TTLL3: variants seen among roughly 807,000 people sequenced by gnomAD.
TTLL3 encodes tubulin monoglycylase TTLL3.
Under a neutral mutation model 75.2 loss-of-function variants are expected in TTLL3, and 63 were observed. The ratio of observed to expected loss-of-function variants is 0.84; its 90% CI spans 0.68 to 1.03. The LOEUF is 1.03. Among genes scored for constraint, TTLL3 ranks in the 50% least tolerant of loss-of-function variants. The pLI, the probability that TTLL3 is intolerant of heterozygous loss-of-function variation, is 0.00. For synonymous variants in TTLL3, 393 were observed against 418.5 expected, an observed-to-expected ratio of 0.94 and a Z score of 0.74; for missense variants, 997 against 1,069.9, an observed-to-expected ratio of 0.93 and a Z score of 0.95.
intron 2 of TTLL3, 78 bp from the exon 3 acceptor site, chr3:9,812,861 ACTGT>A: frequency 7.2e-7 from 1 of 1,397,428 alleles, no homozygotes; most frequent in Non-Finnish European, 9.4e-7. Context: ...AGAGTCCATA[ACTGT>A]CTGGTTCACC....
At chr3:9,828,722 CT>C in intron 10 of TTLL3, 1 of 578,540 alleles carries the variant, frequency 1.7e-6, no homozygotes, top group Non-Finnish European at 3.1e-6. Flanking sequence ...GCACTTACTA[CT>C]GCGGCCCCCG....
chr3:9,815,342 C>A (rs1241946987), intron 4 of TTLL3, among the ~76,000 whole-genome samples: 2 of 152,126 alleles, frequency 1.3e-5, no homozygotes, highest in African/African-American at 4.8e-5. Flanking sequence ...ACTTGCCTTC[C>A]TGTGCCTCAG....
At position 9,827,059 on chromosome 3, in the gene TTLL3, A is replaced by G. The variant is rs1466216182; in HGVS notation, c.1066A>G (p.Met356Val). 6.2e-7 allele frequency: 1 copy of G among 1,614,196 alleles called. No homozygotes were observed. Among genetic ancestry groups the G allele is most frequent in the Admixed American group, 1.7e-5 (1 of 60,024 alleles). The change falls in exon 10 of 14, where the codon ATG (methionine) becomes GTG (valine). Residue 356 changes from methionine (M) to valine (V), a missense_variant. Physicochemically the swap from Met to Val is conservative, Grantham distance 21. Coordinates refer to ENST00000685419, the MANE Select transcript of TTLL3 (RefSeq NM_001387446.1). ...GCTGGTGAACGGCAACCCCGTGGTG[A>G]TGAAGGACGGCAAGTGGGTGGTGCA... is the stretch of plus-strand genomic sequence containing the variant. ...LKLVNGNPVVMKDGKWVVQKY... is the reference protein window; with the variant it reads ...LKLVNGNPVVVKDGKWVVQKY...
intron 5 of TTLL3, 117 bp from the exon 6 acceptor site, chr3:9,817,528 C>A: frequency 6.3e-7 from 1 of 1,575,204 alleles, no homozygotes; most frequent in South Asian, 1.2e-5. Flanking sequence ...GCAACTCAGA[C>A]CTTGCAAGCG....
chr3:9,812,586 C>G (rs905638351), intron 2 of TTLL3, among the ~76,000 whole-genome samples: 1 of 151,996 alleles, frequency 6.6e-6, no homozygotes, highest in South Asian at 2.1e-4. Flanking sequence ...GCAAGAGAAT[C>G]GCTTGAACCC....
Position 9,833,167 on chromosome 3 carries a change from A to G in TTLL3, c.1747A>G (p.Lys583Glu). 1 of 1,614,156 alleles carries G rather than the reference A, an allele frequency of 6.2e-7. No individual in the cohort carries two copies. Among genetic ancestry groups the G allele is most frequent in the South Asian group, 1.1e-5 (1 of 91,086 alleles). ...CCTGGTAGAGGGCTTCACCATCAAG[A>G]AGCCCATGGCGATGTGTCATCGGCG... ...RLLVEGFTIK[K>E]PMAMCHRRMG... Residue 583 changes from lysine (K) to glutamate (E), a missense_variant, in exon 12 of 14, where the codon AAG (lysine) becomes GAG (glutamate). Coordinates refer to ENST00000685419, the MANE Select transcript of TTLL3 (RefSeq NM_001387446.1).
chr3:9,818,060 A>G (rs2080054753), intron 6 of TTLL3: 1 of 250,020 alleles, frequency 4.0e-6, no homozygotes. Flanking sequence ...GGCTTATATC[A>G]AGTTCCATTT....
intron 2 of TTLL3, among the ~76,000 whole-genome samples, chr3:9,812,504 C>T (rs1053358207): frequency 8.6e-5 from 13 of 150,840 alleles, no homozygotes; most frequent in Non-Finnish European, 1.6e-4. Context: ...AGCAAGACTC[C>T]GTCTCAAAAA....
At chr3:9,827,285 G>C (rs1193476079) in intron 10 of TTLL3, 45 bp downstream of exon 10, 1 of 1,601,628 alleles carries the variant, frequency 6.2e-7, no homozygotes, top group Non-Finnish European at 8.5e-7. Context: ...GCCTAGTTGG[G>C]GAGCTGGCAA....
intron 13 of TTLL3, 62 bp downstream of exon 13, chr3:9,834,969 G>A (rs760486991): frequency 6.2e-7 from 1 of 1,612,328 alleles, no homozygotes; most frequent in South Asian, 1.1e-5. Context: ...CAGGGCTGGA[G>A]GGCACAGGCA....
At chr3:9,820,963 C>G (rs765690100) in intron 8 of TTLL3, 63 of 603,176 alleles carry the variant, frequency 1.0e-4, no homozygotes, top group Non-Finnish European at 1.5e-4. Flanking sequence ...ACTGTGCCAC[C>G]AAATGGACAG....
In TTLL3 at chr3:9,829,355, G is replaced by GC. The variant is rs749764883; in HGVS notation, c.1644dup (p.Asn549GlnfsTer3). On this transcript the variant is annotated frameshift_variant, in exon 11 of 14. Coordinates refer to ENST00000685419, the MANE Select transcript of TTLL3 (RefSeq NM_001387446.1). LOFTEE classifies it high-confidence loss of function. ...GTGGTCATTGACCGGATGCTGGACC[G>GC]CAACTGTGACACAGGAGCCTTTGAG... The GC allele has an allele frequency of 8.1e-6, 13 of 1,608,132 alleles. No homozygotes were observed. Among genetic ancestry groups the GC allele is most frequent in the African/African-American group, 2.7e-5 (2 of 74,850 alleles).
Position 9,829,036 on chromosome 3 carries a change from G to A in TTLL3, c.1324G>A (p.Asp442Asn). The A allele has an allele frequency of 6.2e-7, 1 of 1,614,250 alleles. No individual in the cohort carries two copies. The highest frequency in any genetic ancestry group is 8.5e-7 in the Non-Finnish European group (1 of 1,180,052). The change falls in exon 11 of 14, where the codon GAC becomes AAC. Residue 442 changes from aspartate to asparagine, a missense_variant. Asp to Asn is a conservative substitution (Grantham distance 23). Coordinates refer to ENST00000685419, the MANE Select transcript of TTLL3 (RefSeq NM_001387446.1). ...CCATCGGCATCCACTGCTTCCGCCA[G>A]ACAACATGTGGTCTAGCCAGAGGTT... ...SCHRHPLLPP[D>N]NMWSSQRFQA...
At chr3:9,827,355 CTGCA>C in intron 10 of TTLL3, 115 bp downstream of exon 10, 1 of 1,493,500 alleles carries the variant, frequency 6.7e-7, no homozygotes, top group South Asian at 1.4e-5. Flanking sequence ...CACACACAGA[CTGCA>C]GGCAGGCAGG....
rs768029306 is a variant in TTLL3 at position 9,827,197 on chromosome 3, A to G, written c.1204A>G (p.Ile402Val). ...CGTGTGGTTCTACCGCGACAGCTATATCCGCTTTTCCACGCAGCCCTTCTC... is the reference window on the plus strand; with the variant it reads ...CGTGTGGTTCTACCGCGACAGCTATGTCCGCTTTTCCACGCAGCCCTTCTC... ...LTVWFYRDSY[I>V]RFSTQPFSLK... The change falls in exon 10 of 14, where the codon ATC (isoleucine) becomes GTC (valine). Residue 402 changes from isoleucine to valine, a missense_variant. Ile to Val is a conservative substitution (Grantham distance 29, BLOSUM62 3). Coordinates refer to ENST00000685419, the MANE Select transcript of TTLL3 (RefSeq NM_001387446.1). 12 of 1,614,090 alleles carry G rather than the reference A, an allele frequency of 7.4e-6. No individual in the cohort carries two copies. In the Admixed American group the frequency reaches 1.8e-4, roughly 25 times the overall value.
At chr3:9,834,355 C>T in intron 12 of TTLL3, 1 of 542,302 alleles carries the variant, frequency 1.8e-6, no homozygotes, top group Non-Finnish European at 3.5e-6. Context: ...TTGCCCCATA[C>T]CGCTACCTGC....
At chr3:9,823,440 G>A (rs1457854487) in intron 8 of TTLL3, among the ~76,000 whole-genome samples, 18 of 131,056 alleles carry the variant, frequency 1.4e-4, no homozygotes, top group Middle Eastern at 3.9e-3. Flanking sequence ...TGGATTTTAA[G>A]AACTAAGCCA....
Position 9,834,888 on chromosome 3 carries a change from G to C in TTLL3, c.2033G>C (p.Ser678Thr), listed in dbSNP as rs377182560. ...AACCTTGATTTCAAGGTGGCACCCA[G>C]CATCCTGAAGCCAAGAAAGGTGGGC... ...PPNLDFKVAP[S>T]ILKPRKAPAL... The change falls in exon 13 of 14, where the codon AGC becomes ACC. Residue 678 changes from serine to threonine, a missense_variant. Transcript: ENST00000685419. 4 of 1,614,112 alleles carry C rather than the reference G, an allele frequency of 2.5e-6. No individual in the cohort carries two copies. In the African/African-American group the frequency reaches 5.3e-5, roughly 22 times the overall value.
At chr3:9,819,881 A>T in intron 7 of TTLL3, 1 of 985,568 alleles carries the variant, frequency 1.0e-6, no homozygotes, top group South Asian at 4.7e-5. Flanking sequence ...CAGAGACCCC[A>T]TGCTTAAGCT....
Sources: gnomAD v4.1 joint callset for allele counts (sites outside exome capture counted in the v4.1 genomes callset) on GRCh38, gnomAD v4.1.1 for gene constraint, MANE v1.5 for transcripts, NCBI Gene and HGNC (gene_info 2026-07-23, HGNC 2026-07-21) for gene names.